GJA9: variants seen among roughly 807,000 people sequenced by gnomAD.
GJA9 encodes gap junction alpha-9 protein.
Under a neutral mutation model 0.4 loss-of-function variants are expected in GJA9, and 1 was observed. That is an observed-to-expected ratio of 2.50 (90% CI 0.89 to 11.88). The LOEUF (loss-of-function observed/expected upper bound fraction) is 11.88, where lower values mean the gene tolerates loss of function less well. Ranked by LOEUF, GJA9 falls within the 30% of genes most tolerant of loss-of-function variation. The pLI is 0.12. For missense variants in GJA9, 550 were observed against 602.8 expected (o/e 0.91, Z 0.92); for synonymous variants, 190 against 219.1 (o/e 0.87, Z 1.17).
intron 1 of GJA9, among the ~76,000 whole-genome samples, chr1:38,879,852 C>T (rs1274245352): frequency 6.6e-6 from 1 of 151,924 alleles, no homozygotes; most frequent in South Asian, 2.1e-4. Flanking sequence ...TCAGCCTCTC[C>T]GGGTAGCTGG....
In GJA9 at chr1:38,875,918, A is replaced by C; in HGVS notation, c.181T>G (p.Cys61Gly). 1 of 1,614,248 alleles carries C rather than the reference A, an allele frequency of 6.2e-7. No homozygotes were observed. The highest frequency in any genetic ancestry group is 8.5e-7 in the Non-Finnish European group (1 of 1,180,046). The change falls in exon 2 of 2, where the codon TGC (cysteine) becomes GGC (glycine). Residue 61 changes from cysteine (C) to glycine (G), a missense_variant. By Grantham distance (159) the Cys-to-Gly change is radical. Transcript: ENST00000357771. ...GFICNTEQPG[C>G]RNVCYDQAFP... is the part of the protein sequence containing the mutation. Reference sequence around the variant, plus strand: ...GCCTGGTCGTAGCATACATTTCTGCAGCCTGGTTGTTCTGTATTGCAGATG... The same window carrying C: ...GCCTGGTCGTAGCATACATTTCTGCCGCCTGGTTGTTCTGTATTGCAGATG...
At chr1:38,876,857 G>A (rs933648244) in intron 1 of GJA9, among the ~76,000 whole-genome samples, 1 of 151,712 alleles carries the variant, frequency 6.6e-6, no homozygotes, top group African/African-American at 2.4e-5. Flanking sequence ...GCCAGGCGTG[G>A]TGGCAGGCGC....
intron 1 of GJA9, among the ~76,000 whole-genome samples, chr1:38,878,072 T>A (rs1386504718): frequency 7.7e-6 from 1 of 130,182 alleles, no homozygotes; most frequent in Non-Finnish European, 1.8e-5. Context: ...AAAAGTATAC[T>A]TTTTTTCTTT....
intron 1 of GJA9, 38 bp from the exon 2 acceptor site, chr1:38,876,231 C>G: frequency 1.4e-6 from 1 of 730,786 alleles, no homozygotes; most frequent in East Asian, 2.6e-5. Context: ...CTTCTATATG[C>G]TGGTTGCTTT....
intron 1 of GJA9, among the ~76,000 whole-genome samples, chr1:38,881,040 G>T (rs1230106341): frequency 6.6e-6 from 1 of 151,816 alleles, no homozygotes; most frequent in Non-Finnish European, 1.5e-5. Flanking sequence ...GAATAATATG[G>T]CCCCATTATT....
At chr1:38,876,854 G>A (rs28675055) in intron 1 of GJA9, among the ~76,000 whole-genome samples, 54,338 of 151,164 alleles carry the variant, frequency 0.36, 10,936 homozygotes, top group Non-Finnish European at 0.45. Flanking sequence ...TTAGCCAGGC[G>A]TGGTGGCAGG....
chr1:38,875,607 G>A lies in GJA9; in HGVS notation c.492C>T (p.Arg164=), dbSNP rs1642571371. Residue 164 remains arginine (R), a synonymous_variant, in exon 2 of 2, where the codon CGC becomes CGT. Coordinates refer to ENST00000357771, the MANE Select transcript of GJA9 (RefSeq NM_030772.5). ...TCATGAATCCAACTTCAACCACAGAGCGAGTGAAAATGTGTATCACATAAG... is the reference window on the plus strand; with the variant it reads ...TCATGAATCCAACTTCAACCACAGAACGAGTGAAAATGTGTATCACATAAG... ...LCTYVIHIFT[R]SVVEVGFMIG... The A allele has an allele frequency of 6.2e-7, 1 of 1,614,212 alleles. No homozygotes were observed. Among genetic ancestry groups the A allele is most frequent in the African/African-American group, 1.3e-5 (1 of 75,048 alleles).
chr1:38,876,532 C>G (rs1642590589), intron 1 of GJA9, among the ~76,000 whole-genome samples: 4 of 152,162 alleles, frequency 2.6e-5, no homozygotes, highest in Non-Finnish European at 4.4e-5. Context: ...CTTGCCTTCA[C>G]CTCCCAAAGT....
chr1:38,874,523 T>C lies in GJA9; in HGVS notation c.*28A>G. 1 of 1,552,958 alleles carries C rather than the reference T, an allele frequency of 6.4e-7. No homozygotes were observed. Among genetic ancestry groups the C allele is most frequent in the Non-Finnish European group, 8.8e-7 (1 of 1,131,288 alleles). ...CCACTAGGCTACTTCTCTGATAATATATATAATGTCTAAAAGCCAACCGCT... is the reference window on the plus strand; with the variant it reads ...CCACTAGGCTACTTCTCTGATAATACATATAATGTCTAAAAGCCAACCGCT... On this transcript the variant is annotated 3_prime_UTR_variant, in exon 2 of 2. Transcript: ENST00000357771.
Position 38,874,494 on chromosome 1 carries a change from A to T in GJA9, c.*57T>A, listed in dbSNP as rs1415569602. The T allele has an allele frequency of 7.2e-7, 1 of 1,379,904 alleles. No homozygotes were observed. Among genetic ancestry groups the T allele is most frequent in the Non-Finnish European group, 1.0e-6 (1 of 993,792 alleles). 85.5% of individuals were successfully genotyped at this position (1,379,904 alleles called of 1,614,324 possible). A position where few individuals can be genotyped will look rare whatever the true frequency, so the allele number is the denominator to read the frequency against. ...CCCCTATCTATTTTTTCTGTGCCCCACGACCACTAGGCTACTTCTCTGATA... is the reference window on the plus strand; with the variant it reads ...CCCCTATCTATTTTTTCTGTGCCCCTCGACCACTAGGCTACTTCTCTGATA... On this transcript the variant is annotated 3_prime_UTR_variant, in exon 2 of 2. Coordinates refer to ENST00000357771, the MANE Select transcript of GJA9 (RefSeq NM_030772.5).
Position 38,875,305 on chromosome 1 carries a change from G to A in GJA9, c.794C>T (p.Ala265Val), listed in dbSNP as rs1360171258. ...ATTTGCAGATGTGCTCTGGTATTTG[G>A]CTACATTTTGTTTTGCCTTGTTTGC... ...FHANKAKQNVAKYQSTSANSL... is the reference protein window; with the variant it reads ...FHANKAKQNVVKYQSTSANSL... The change falls in exon 2 of 2, where the codon GCC (alanine) becomes GTC (valine). Residue 265 changes from alanine to valine, a missense_variant. Physicochemically the swap from Ala to Val is moderately conservative, Grantham distance 64. Coordinates refer to ENST00000357771, the MANE Select transcript of GJA9 (RefSeq NM_030772.5). The A allele has an allele frequency of 2.5e-6, 4 of 1,614,022 alleles. No individual in the cohort carries two copies. The highest frequency in any genetic ancestry group is 1.3e-5 in the African/African-American group (1 of 74,924).
Position 38,875,657 on chromosome 1 carries a change from G to A in GJA9, c.442C>T (p.Pro148Ser), listed in dbSNP as rs1642572691. The A allele has an allele frequency of 1.2e-6, 2 of 1,614,192 alleles. No individual in the cohort carries two copies. Reference sequence around the variant, plus strand: ...GTGCAAAGCAAGGTTCCTCTGAGTGGAGCTTTATTTAGTTTCCTTTTCTCC... The same window carrying A: ...GTGCAAAGCAAGGTTCCTCTGAGTGAAGCTTTATTTAGTTTCCTTTTCTCC... Reference protein sequence around the residue: ...QLEKRKLNKAPLRGTLLCTYV... With the variant: ...QLEKRKLNKASLRGTLLCTYV... The change falls in exon 2 of 2, where the codon CCA becomes TCA. Residue 148 changes from proline to serine, a missense_variant. Coordinates refer to ENST00000357771, the MANE Select transcript of GJA9 (RefSeq NM_030772.5).
chr1:38,877,565 C>T (rs986725470), intron 1 of GJA9, among the ~76,000 whole-genome samples: 3 of 151,834 alleles, frequency 2.0e-5, no homozygotes, highest in Non-Finnish European at 4.4e-5. Context: ...GGCGCAATCT[C>T]GGCGCATTGC....
chr1:38,876,562 G>C (rs886823861), intron 1 of GJA9, among the ~76,000 whole-genome samples: 3 of 152,096 alleles, frequency 2.0e-5, no homozygotes, highest in African/African-American at 7.2e-5. Flanking sequence ...ACAGGTGTGG[G>C]TCACCACACC....
intron 1 of GJA9, among the ~76,000 whole-genome samples, chr1:38,878,730 CTTTTT>C (rs1240029430): frequency 1.9e-5 from 2 of 103,414 alleles, no homozygotes; most frequent in African/African-American, 3.6e-5. Flanking sequence ...GTACCAGAAT[CTTTTT>C]TTTTTTTTTT....
In GJA9 at chr1:38,875,679, C is replaced by A. The variant is rs763476420; in HGVS notation, c.420G>T (p.Glu140Asp). 1 of 1,614,194 alleles carries A rather than the reference C, an allele frequency of 6.2e-7. No individual in the cohort carries two copies. The highest frequency in any genetic ancestry group is 1.7e-5 in the Admixed American group (1 of 60,026). Residue 140 changes from glutamate (E) to aspartate (D), a missense_variant, in exon 2 of 2, where the codon GAG becomes GAT. By Grantham distance (45) the Glu-to-Asp change is conservative. Coordinates refer to ENST00000357771, the MANE Select transcript of GJA9 (RefSeq NM_030772.5). ...GTGGAGCTTTATTTAGTTTCCTTTT[C>A]TCCAGCTGACAAAGCTCTTGCTCCA... ...RRLEQELCQL[E>D]KRKLNKAPLR...
At position 38,875,141 on chromosome 1, in the gene GJA9, A is replaced by T; in HGVS notation, c.958T>A (p.Cys320Ser). The T allele has an allele frequency of 1.2e-6, 2 of 1,614,134 alleles. No homozygotes were observed. Among genetic ancestry groups the T allele is most frequent in the Non-Finnish European group, 1.7e-6 (2 of 1,179,996 alleles). ...PDNHSVNDEK[C>S]ILDEQETVLS... ...ACAGTTTCCTGTTCATCCAAAATGC[A>T]TTTCTCATCATTTACACTATGATTG... is the stretch of plus-strand genomic sequence containing the variant. Residue 320 changes from cysteine (C) to serine (S), a missense_variant, in exon 2 of 2, where the codon TGC (cysteine) becomes AGC (serine). By Grantham distance (112) the Cys-to-Ser change is moderately radical. Coordinates refer to ENST00000357771, the MANE Select transcript of GJA9 (RefSeq NM_030772.5).
Position 38,875,505 on chromosome 1 carries a change from G to C in GJA9, c.594C>G (p.Ile198Met). 1 of 1,614,118 alleles carries C rather than the reference G, an allele frequency of 6.2e-7. No individual in the cohort carries two copies. Among genetic ancestry groups the C allele is most frequent in the South Asian group, 1.1e-5 (1 of 91,074 alleles). The change falls in exon 2 of 2, where the codon ATC (isoleucine) becomes ATG (methionine). Residue 198 changes from isoleucine to methionine, a missense_variant. Transcript: ENST00000357771. ...KCHGHPCPNI[I>M]DCFVSRPTEK... ...CTGTTGGTCTTGAGACAAAACAGTCGATTATATTTGGACACGGGTGGCCAT... is the reference window on the plus strand; with the variant it reads ...CTGTTGGTCTTGAGACAAAACAGTCCATTATATTTGGACACGGGTGGCCAT...
In GJA9 at chr1:38,874,546, G is replaced by T. The variant is rs750406040; in HGVS notation, c.*5C>A. On this transcript the variant is annotated 3_prime_UTR_variant, in exon 2 of 2. Coordinates refer to ENST00000357771, the MANE Select transcript of GJA9 (RefSeq NM_030772.5). ...TATATATAATGTCTAAAAGCCAACC[G>T]CTGTTTAGATCTGAAGATCTGTGGG... 1.2e-6 allele frequency: 2 copies of T among 1,606,096 alleles called. No individual in the cohort carries two copies. Among genetic ancestry groups the T allele is most frequent in the Admixed American group, 1.7e-5 (1 of 59,608 alleles).
Sources: allele counts gnomAD v4.1 joint callset (sites outside exome capture counted in the v4.1 genomes callset), GRCh38; gene constraint gnomAD v4.1.1; transcripts MANE v1.5; gene names NCBI Gene and HGNC (gene_info 2026-07-23, HGNC 2026-07-21).